The following PRKD1 variants were observed in gnomAD, a reference collection of about 807,000 sequenced individuals.
PRKD1 encodes serine/threonine-protein kinase D1.
A neutral mutation model predicts 95.9 loss-of-function variants in PRKD1; 63 were observed. That is an observed-to-expected ratio of 0.66 (90% CI 0.54 to 0.81). The LOEUF (loss-of-function observed/expected upper bound fraction) is 0.81. Among genes scored for constraint, PRKD1 ranks in the 30% least tolerant of loss-of-function variants. PRKD1 has a pLI of 0.00. For missense variants in PRKD1, 1,048 were observed against 1,165.3 expected, an observed-to-expected ratio of 0.90 and a Z score of 1.47; for synonymous variants, 425 against 423.1, an observed-to-expected ratio of 1.00 and a Z score of -0.05.
intron 16 of PRKD1, among the ~76,000 whole-genome samples, chr14:29,589,208 T>C (rs1048053678): frequency 6.6e-6 from 1 of 152,196 alleles, no homozygotes; most frequent in Admixed American, 6.5e-5. Context: ...ATAATGGAAA[T>C]GTACTATGAC....
At chr14:29,906,499 C>T (rs1326452210) in intron 1 of PRKD1, among the ~76,000 whole-genome samples, 1 of 151,854 alleles carries the variant, frequency 6.6e-6, no homozygotes, top group Non-Finnish European at 1.5e-5. Context: ...GATTGCACGT[C>T]CCAGGCAGAG....
chr14:29,632,354 G>A (rs576922138), intron 9 of PRKD1, among the ~76,000 whole-genome samples: 107 of 151,566 alleles, frequency 7.1e-4, no homozygotes, highest in Middle Eastern at 3.4e-3. Flanking sequence ...TTGGAGTTGT[G>A]TTTTACTGGG....
intron 13 of PRKD1, among the ~76,000 whole-genome samples, chr14:29,608,139 G>A (rs1878150185): frequency 1.3e-5 from 2 of 152,010 alleles, no homozygotes; most frequent in African/African-American, 4.8e-5. Flanking sequence ...TTGCCAATCT[G>A]GATGCATCTA....
At position 29,697,381 on chromosome 14, in the gene PRKD1, C is replaced by T. The variant is rs143339293; in HGVS notation, c.403+28155G>A. On this transcript the variant is annotated intron_variant, in intron 2 of 17. Coordinates refer to ENST00000331968, the MANE Select transcript of PRKD1 (RefSeq NM_002742.3). ...ATAACAGCATTAGCACAACTCCTAA[C>T]GTTTCTATAGCATAAATGAATACAT... is the stretch of plus-strand genomic sequence containing the variant. 5.6e-3 allele frequency among the ~76,000 whole-genome samples: 847 copies of T among 152,228 alleles called. 6 individuals carry two copies. The highest frequency in any genetic ancestry group is 0.019 in the African/African-American group (800 of 41,558).
chr14:29,849,312 C>T (rs961888261), intron 1 of PRKD1, among the ~76,000 whole-genome samples: 1 of 152,210 alleles, frequency 6.6e-6, no homozygotes, highest in Admixed American at 6.5e-5. Flanking sequence ...TTTCCTGAGA[C>T]CTCCCCAGCC....
chr14:29,576,982 A>G lies in PRKD1; in HGVS notation c.*256T>C, dbSNP rs918546671. 4 of 515,442 alleles carry G rather than the reference A, an allele frequency of 7.8e-6. No homozygotes were observed. Among genetic ancestry groups the G allele is most frequent in the Non-Finnish European group, 1.4e-5 (4 of 284,158 alleles). 31.9% of individuals were successfully genotyped at this position (515,442 alleles called of 1,614,324 possible). ...AGTGGAGACAGGTTTAATGCATTAA[A>G]TATAACATGAATCATTCACAATAAC... On this transcript the variant is annotated 3_prime_UTR_variant, in exon 18 of 18. Transcript: ENST00000331968.
rs45512893 is a variant in PRKD1 at position 29,600,623 on chromosome 14, G to C, written c.1906-806C>G. 3.1e-3 allele frequency among the ~76,000 whole-genome samples: 465 copies of C among 152,248 alleles called. 3 individuals are homozygous for C. Among genetic ancestry groups the C allele is most frequent in the African/African-American group, 0.01 (431 of 41,534 alleles). ...ACTTTTCCTAGAGGGAAGTTCTGCA[G>C]AGCCAAATGTGGGATGTAAGTATGC... is the stretch of plus-strand genomic sequence containing the variant. On this transcript the variant is annotated intron_variant, in intron 13 of 17. Coordinates refer to ENST00000331968, the MANE Select transcript of PRKD1 (RefSeq NM_002742.3).
intron 1 of PRKD1, among the ~76,000 whole-genome samples, chr14:29,808,996 G>C (rs1890368430): frequency 6.6e-6 from 1 of 152,210 alleles, no homozygotes; most frequent in Admixed American, 6.5e-5. Context: ...ACACTTGAAA[G>C]TTGAAATTAC....
chr14:29,853,640 G>A (rs2139343433), intron 1 of PRKD1, among the ~76,000 whole-genome samples: 1 of 152,324 alleles, frequency 6.6e-6, no homozygotes, highest in East Asian at 1.9e-4. Context: ...CTGACGCTAA[G>A]TTACACTTGT....
At chr14:29,665,846 A>G (rs1426256349) in intron 3 of PRKD1, among the ~76,000 whole-genome samples, 1 of 152,158 alleles carries the variant, frequency 6.6e-6, no homozygotes, top group African/African-American at 2.4e-5. Context: ...CTATGTATGT[A>G]TACACACAAA....
At chr14:29,582,085 T>C (rs1566464860) in intron 16 of PRKD1, among the ~76,000 whole-genome samples, 1 of 152,164 alleles carries the variant, frequency 6.6e-6, no homozygotes, top group Non-Finnish European at 1.5e-5. Flanking sequence ...AGACTCATTC[T>C]ACCAATCTGG....
At chr14:29,798,908 G>A (rs1204081812) in intron 1 of PRKD1, among the ~76,000 whole-genome samples, 1 of 152,048 alleles carries the variant, frequency 6.6e-6, no homozygotes, top group Non-Finnish European at 1.5e-5. Flanking sequence ...CAGTAGTTGA[G>A]CTGTTCTACC....
chr14:29,730,416 G>A (rs1034150686), intron 1 of PRKD1, among the ~76,000 whole-genome samples: 3 of 152,024 alleles, frequency 2.0e-5, no homozygotes, highest in Non-Finnish European at 2.9e-5. Flanking sequence ...TACACTCTGG[G>A]GAATGCAAAT....
intron 1 of PRKD1, among the ~76,000 whole-genome samples, chr14:29,925,494 C>G (rs1895265185): frequency 5.3e-5 from 8 of 152,238 alleles, no homozygotes. Flanking sequence ...CTTGCTGTCC[C>G]TCTCCCTCTG....
At chr14:29,878,901 A>T (rs1893400513) in intron 1 of PRKD1, among the ~76,000 whole-genome samples, 1 of 152,242 alleles carries the variant, frequency 6.6e-6, no homozygotes, top group South Asian at 2.1e-4. Flanking sequence ...TGGTAAATTT[A>T]TACTATGTAT....
intron 1 of PRKD1, among the ~76,000 whole-genome samples, chr14:29,823,545 T>A (rs1890999377): frequency 6.6e-6 from 1 of 152,186 alleles, no homozygotes; most frequent in Non-Finnish European, 1.5e-5. Flanking sequence ...AATCATTGAA[T>A]GAATACTATA....
intron 1 of PRKD1, among the ~76,000 whole-genome samples, chr14:29,883,054 T>G (rs1268556134): frequency 6.6e-6 from 1 of 152,184 alleles, no homozygotes; most frequent in African/African-American, 2.4e-5. Flanking sequence ...CTGCCTGGCT[T>G]CTGGGGAGGC....
chr14:29,750,445 C>T (rs1046838994), intron 1 of PRKD1, among the ~76,000 whole-genome samples: 1 of 152,032 alleles, frequency 6.6e-6, no homozygotes, highest in African/African-American at 2.4e-5. Flanking sequence ...GAATTAAATG[C>T]GAGCTATACA....
chr14:29,920,661 A>G (rs1319314659), intron 1 of PRKD1, among the ~76,000 whole-genome samples: 1 of 151,928 alleles, frequency 6.6e-6, no homozygotes, highest in East Asian at 1.9e-4. Context: ...ACTCTTCTTT[A>G]AAAGATTTAT....
Sources: gnomAD v4.1 joint callset for allele counts (sites outside exome capture counted in the v4.1 genomes callset) on GRCh38, gnomAD v4.1.1 for gene constraint, MANE v1.5 for transcripts, NCBI Gene and HGNC (gene_info 2026-07-23, HGNC 2026-07-21) for gene names.